Variants in MPRIP observed in about 807,000 individuals in gnomAD.
The protein encoded by MPRIP is myosin phosphatase Rho-interacting protein.
A neutral mutation model predicts 234.9 loss-of-function variants in MPRIP; 59 were observed. The observed-to-expected ratio is 0.25, with a 90% CI of 0.20 to 0.31. The LOEUF (loss-of-function observed/expected upper bound fraction) is 0.31, where lower values mean the gene tolerates loss of function less well. Among genes scored for constraint, MPRIP ranks in the 10% least tolerant of loss-of-function variants. The pLI is 1.00. For synonymous variants in MPRIP, 1,144 were observed against 1,263.9 expected (o/e 0.91, Z 2.01); for missense variants, 2,436 against 3,071.0 (o/e 0.79, Z 4.89).
At position 17,166,650 on chromosome 17, in the gene MPRIP, C is replaced by T; in HGVS notation, c.5059C>T (p.Leu1687=). 1.5e-6 allele frequency: 2 copies of T among 1,304,128 alleles called. No homozygotes were observed. Among genetic ancestry groups the T allele is most frequent in the Non-Finnish European group, 2.0e-6 (2 of 988,950 alleles). 80.8% of individuals were successfully genotyped at this position (1,304,128 alleles called of 1,614,324 possible). Reference sequence around the variant, plus strand: ...AGTGAGGGAGTCGTTCCACCGCAGGCTACAGAGCATCCAGGAGACCCTGCG... The same window carrying T: ...AGTGAGGGAGTCGTTCCACCGCAGGTTACAGAGCATCCAGGAGACCCTGCG... ...QSVRESFHRR[L]QSIQETLRGT... is the part of the protein sequence containing the mutation. Residue 1687 remains leucine, a synonymous_variant, in exon 16 of 24, where the codon CTA becomes TTA. Coordinates refer to ENST00000651222, the MANE Select transcript of MPRIP (RefSeq NM_001364716.4). This position sits in a 1 kb window ranked among gnomAD's most constrained non-coding sequence, Gnocchi z 4.4.
In MPRIP at chr17:17,147,336, T is replaced by C; in HGVS notation, c.1578T>C (p.Phe526=). The C allele has an allele frequency of 6.2e-7, 1 of 1,614,118 alleles. No individual in the cohort carries two copies. The highest frequency in any genetic ancestry group is 1.1e-5 in the South Asian group (1 of 91,086). Residue 526 remains phenylalanine, a synonymous_variant, in exon 11 of 24, where the codon TTT becomes TTC. Transcript: ENST00000651222. ...CCCTTTAGTGGAAGAAACACTGGTT[T>C]GTCCTCGCCGATCAAAGCCTGAGAT... ...YEDGQWKKHW[F]VLADQSLRYY... is the part of the protein sequence containing the mutation.
At chr17:17,170,290 C>T (rs2046104801) in intron 16 of MPRIP, 1 of 151,778 alleles carries the variant, frequency 6.6e-6, no homozygotes, top group Non-Finnish European at 1.5e-5. Flanking sequence ...GAAAGAAGAG[C>T]TCAACCTTGG....
At chr17:17,144,558 T>G (rs1373536926) in intron 9 of MPRIP, among the ~76,000 whole-genome samples, 1 of 152,144 alleles carries the variant, frequency 6.6e-6, no homozygotes, top group Non-Finnish European at 1.5e-5. Flanking sequence ...CGAGTTTTTG[T>G]TAAAGATCTG....
intron 3 of MPRIP, among the ~76,000 whole-genome samples, chr17:17,121,752 A>T (rs2090393474): frequency 6.6e-6 from 1 of 152,164 alleles, no homozygotes; most frequent in Non-Finnish European, 1.5e-5. Flanking sequence ...AGGTTATTTC[A>T]TCACCCAGAT....
At chr17:17,057,692 G>C in intron 1 of MPRIP, 1 of 718,046 alleles carries the variant, frequency 1.4e-6, no homozygotes, top group Non-Finnish European at 2.6e-6. Flanking sequence ...ATGCACGAAT[G>C]TTCTCATGTT....
intron 12 of MPRIP, among the ~76,000 whole-genome samples, chr17:17,150,523 T>C (rs984728100): frequency 3.9e-5 from 6 of 152,016 alleles, no homozygotes; most frequent in Non-Finnish European, 8.8e-5. Context: ...AATGCTGGAG[T>C]TGGGGCAATT....
At chr17:17,058,141 A>G (rs143458801) in intron 1 of MPRIP, among the ~76,000 whole-genome samples, 1 of 152,210 alleles carries the variant, frequency 6.6e-6, no homozygotes, top group African/African-American at 2.4e-5. Flanking sequence ...ACACGGACAG[A>G]AGCACATTCC....
chr17:17,056,373 G>A (rs1454593165), intron 1 of MPRIP, among the ~76,000 whole-genome samples: 1 of 152,202 alleles, frequency 6.6e-6, no homozygotes, highest in African/African-American at 2.4e-5. Flanking sequence ...GTGGCCACGG[G>A]CTGTTTGTCA....
intron 13 of MPRIP, among the ~76,000 whole-genome samples, chr17:17,156,823 T>C (rs181740844): frequency 3.9e-5 from 6 of 152,360 alleles, no homozygotes; most frequent in African/African-American, 1.4e-4. Context: ...TAGCGTGCTC[T>C]TACAGTGGAC....
chr17:17,148,263 A>G (rs1283396170), intron 11 of MPRIP, among the ~76,000 whole-genome samples: 1 of 152,240 alleles, frequency 6.6e-6, no homozygotes, highest in African/African-American at 2.4e-5. Flanking sequence ...GCATGTGCAT[A>G]GAAGAGCACT....
chr17:17,122,027 G>C (rs887649655), intron 3 of MPRIP, among the ~76,000 whole-genome samples: 1 of 152,192 alleles, frequency 6.6e-6, no homozygotes, highest in Non-Finnish European at 1.5e-5. Flanking sequence ...ATTCCATGGT[G>C]TATATATATC....
At chr17:17,117,123 T>C (rs2090300814) in intron 3 of MPRIP, among the ~76,000 whole-genome samples, 1 of 152,212 alleles carries the variant, frequency 6.6e-6, no homozygotes, top group African/African-American at 2.4e-5. Flanking sequence ...TGCCCGACAC[T>C]GTCCTCCCTC....
In MPRIP at chr17:17,191,950, C is replaced by T. The variant is rs1419494744; in HGVS notation, c.*7056C>T. The T allele has an allele frequency of 6.6e-6, 1 of 151,984 alleles. No homozygotes were observed. The highest frequency in any genetic ancestry group is 2.4e-5 in the African/African-American group (1 of 41,368). 9.4% of individuals were successfully genotyped at this position (151,984 alleles called of 1,614,324 possible). On this transcript the variant is annotated 3_prime_UTR_variant, in exon 24 of 24. Coordinates refer to ENST00000651222, the MANE Select transcript of MPRIP (RefSeq NM_001364716.4). The stretch of plus-strand genomic sequence containing the variant: ...ATAAGAATTACTTCATGTGGTTTTC[C>T]TAGGGTACAATTTATAAAAGGTAGA...
At chr17:17,064,375 AACTACTT>A (rs2143952400) in intron 1 of MPRIP, among the ~76,000 whole-genome samples, 1 of 151,738 alleles carries the variant, frequency 6.6e-6, no homozygotes, top group Non-Finnish European at 1.5e-5. Flanking sequence ...TTTTTTATTA[AACTACTT>A]ACGTTGAGAT....
intron 1 of MPRIP, among the ~76,000 whole-genome samples, chr17:17,046,480 A>G (rs1462790141): frequency 6.6e-6 from 1 of 152,230 alleles, no homozygotes. Flanking sequence ...AGATACCACG[A>G]AATTGCCTTC....
intron 6 of MPRIP, 134 bp downstream of exon 6, chr17:17,136,584 C>G: frequency 2.4e-6 from 2 of 843,848 alleles, no homozygotes; most frequent in Non-Finnish European, 3.7e-6. Flanking sequence ...TCCATCAGCC[C>G]TGGGGGTAGC....
intron 3 of MPRIP, among the ~76,000 whole-genome samples, chr17:17,085,462 T>G (rs1295700630): frequency 6.6e-6 from 1 of 152,202 alleles, no homozygotes; most frequent in Non-Finnish European, 1.5e-5. Flanking sequence ...CTTTCAGACT[T>G]TTGGTTGAGA....
At chr17:17,112,274 G>T (rs1306703140) in intron 3 of MPRIP, among the ~76,000 whole-genome samples, 1 of 152,274 alleles carries the variant, frequency 6.6e-6, no homozygotes, top group South Asian at 2.1e-4. Flanking sequence ...CCCAGGACAA[G>T]TCTCGAGCCT....
intron 11 of MPRIP, 70 bp from the exon 12 acceptor site, chr17:17,150,074 G>A (rs1042022188): frequency 6.2e-5 from 69 of 1,121,118 alleles, no homozygotes; most frequent in Admixed American, 1.4e-4. Context: ...AATCACTTAC[G>A]GAAATTTGCT....
Sources: allele counts gnomAD v4.1 joint callset (sites outside exome capture counted in the v4.1 genomes callset), GRCh38; gene constraint gnomAD v4.1.1; non-coding constraint Gnocchi (gnomAD v3.1); transcripts MANE v1.5; gene names NCBI Gene and HGNC (gene_info 2026-07-23, HGNC 2026-07-21).